GABRG3: variants seen among roughly 807,000 people sequenced by gnomAD.
GABRG3 encodes gamma-aminobutyric acid receptor subunit gamma-3.
In GABRG3, 25 loss-of-function variants were observed where a neutral mutation model predicts 48.8. That is an observed-to-expected ratio of 0.51 (90% CI 0.37 to 0.72). GABRG3 has a LOEUF of 0.72. Among genes scored for constraint, GABRG3 ranks in the 30% least tolerant of loss-of-function variants. The probability of loss-of-function intolerance (pLI) is 0.00; values close to 1 mark genes in which losing one functional copy is unlikely to be tolerated. For synonymous variants in GABRG3, 227 were observed against 217.6 expected (o/e 1.04, Z -0.38); for missense variants, 394 against 577.9 (o/e 0.68, Z 3.26).
chr15:27,371,680 C>G (rs1481811850), intron 5 of GABRG3, among the ~76,000 whole-genome samples: 1 of 152,146 alleles, frequency 6.6e-6, no homozygotes, highest in Non-Finnish European at 1.5e-5. Context: ...GCATCCAAGT[C>G]TGTATATGTG....
At position 27,145,173 on chromosome 15, in the gene GABRG3, G is replaced by GA. The variant is rs200970054; in HGVS notation, c.270+118358dup. ...AAATAAGGAATGAACCATATACAGG[G>GA]AAAAAACCGTCAATAGAAACTGTCC... On this transcript the variant is annotated intron_variant, in intron 3 of 9. Coordinates refer to ENST00000615808, the MANE Select transcript of GABRG3 (RefSeq NM_033223.5). Among the ~76,000 whole-genome samples, 480 of 151,824 alleles carry GA rather than the reference G, an allele frequency of 3.2e-3. 1 individual carries two copies. Among genetic ancestry groups the GA allele is most frequent in the African/African-American group, 0.011 (464 of 41,392 alleles).
intron 5 of GABRG3, among the ~76,000 whole-genome samples, chr15:27,436,239 A>G (rs1888605619): frequency 6.6e-6 from 1 of 152,148 alleles, no homozygotes; most frequent in Non-Finnish European, 1.5e-5. Context: ...GTCTTCAGAG[A>G]AAGGAAACAA....
chr15:27,307,371 G>T (rs199762910), intron 3 of GABRG3, among the ~76,000 whole-genome samples: 1 of 82,986 alleles, frequency 1.2e-5, no homozygotes, highest in African/African-American at 4.5e-5. Context: ...AACCATATAG[G>T]TTTATATATT....
chr15:27,352,874 T>C lies in GABRG3; in HGVS notation c.574+23986T>C, dbSNP rs565487235. Among the ~76,000 whole-genome samples, 1 of 152,226 alleles carries C rather than the reference T, an allele frequency of 6.6e-6. No homozygotes were observed. Among genetic ancestry groups the C allele is most frequent in the East Asian group, 1.9e-4 (1 of 5,170 alleles). On this transcript the variant is annotated intron_variant, in intron 5 of 9. Transcript: ENST00000615808. This position sits in a 1 kb window ranked among gnomAD's most constrained non-coding sequence, Gnocchi z 4.0. ...CGTAAAATAAGACTCCAGCACATGC[T>C]CACTTGGTAAGTCATTGCATCTGCA...
chr15:27,308,667 G>A (rs901550987), intron 3 of GABRG3, among the ~76,000 whole-genome samples: 2 of 148,784 alleles, frequency 1.3e-5, no homozygotes, highest in African/African-American at 4.9e-5. Context: ...AACATATAAT[G>A]TAAACATACG....
intron 3 of GABRG3, among the ~76,000 whole-genome samples, chr15:27,187,999 C>G (rs1043869705): frequency 2.7e-5 from 4 of 150,728 alleles, no homozygotes; most frequent in African/African-American, 7.3e-5. Flanking sequence ...GTTCTTGCGA[C>G]AGTTTACTGA....
At chr15:27,365,110 G>A (rs1895147866) in intron 5 of GABRG3, 1 of 152,066 alleles carries the variant, frequency 6.6e-6, no homozygotes, top group Non-Finnish European at 1.5e-5. Flanking sequence ...ACAGCAAGTG[G>A]CAGACATGGT....
chr15:27,035,676 G>A (rs532954745), intron 3 of GABRG3, among the ~76,000 whole-genome samples: 41 of 152,322 alleles, frequency 2.7e-4, no homozygotes, highest in African/African-American at 9.4e-4. Flanking sequence ...CTAGAGACAG[G>A]GAGCCACGTG....
chr15:27,024,890 G>A (rs953002697), intron 2 of GABRG3, among the ~76,000 whole-genome samples: 2 of 152,026 alleles, frequency 1.3e-5, no homozygotes, highest in African/African-American at 4.8e-5. Context: ...GCTGGGCGTG[G>A]TGGCAGGCGC....
rs1227418378 is a variant in GABRG3, at chr15:27,306,329, T to A, written c.271-20480T>A. On this transcript the variant is annotated intron_variant, in intron 3 of 9. Coordinates refer to ENST00000615808, the MANE Select transcript of GABRG3 (RefSeq NM_033223.5). Reference sequence around the variant, plus strand: ...TATATAATATAAACATGTCTATATATAAACATAAAATATAAACATGTCTAC... The same window carrying A: ...TATATAATATAAACATGTCTATATAAAAACATAAAATATAAACATGTCTAC... 2.4e-5 allele frequency among the ~76,000 whole-genome samples: 3 copies of A among 127,466 alleles called. No homozygotes were observed. In the South Asian group the frequency reaches 6.9e-4, roughly 29 times the overall value. 83.6% of individuals were successfully genotyped at this position (127,466 alleles called of 152,430 possible).
intron 3 of GABRG3, among the ~76,000 whole-genome samples, chr15:27,229,510 T>G (rs1045079975): frequency 6.6e-6 from 1 of 151,982 alleles, no homozygotes; most frequent in Non-Finnish European, 1.5e-5. Context: ...GGGGTCTCAC[T>G]CTGTCACTCA....
Position 27,535,295 on chromosome 15 carries a change from A to T in GABRG3, c.*2414A>T, listed in dbSNP as rs193132513. On this transcript the variant is annotated 3_prime_UTR_variant, in exon 10 of 10. Transcript: ENST00000615808. The stretch of plus-strand genomic sequence containing the variant: ...CTTATTGGGAGGAAAATAACCTAAA[A>T]CAACTTTTTATAACATGGATTTGTT... 19 of 152,348 alleles carry T rather than the reference A, an allele frequency of 1.2e-4. No homozygotes were observed. The highest frequency in any genetic ancestry group is 8.5e-4 in the Admixed American group (13 of 15,304). 9.4% of individuals were successfully genotyped at this position (152,348 alleles called of 1,614,324 possible). A position where few individuals can be genotyped will look rare whatever the true frequency, so the allele number is the denominator to read the frequency against.
chr15:27,152,474 G>C (rs1898335227), intron 3 of GABRG3, among the ~76,000 whole-genome samples: 1 of 152,008 alleles, frequency 6.6e-6, no homozygotes, highest in Non-Finnish European at 1.5e-5. Context: ...CTGTTCTTTT[G>C]CATCTCCATA....
intron 2 of GABRG3, among the ~76,000 whole-genome samples, chr15:27,012,665 T>C (rs187218983): frequency 6.6e-6 from 1 of 152,302 alleles, no homozygotes; most frequent in Admixed American, 6.5e-5. Flanking sequence ...TCCCACACCA[T>C]AGTCAATCTT....
At chr15:27,322,781 C>G (rs1893476982) in intron 3 of GABRG3, among the ~76,000 whole-genome samples, 1 of 152,118 alleles carries the variant, frequency 6.6e-6, no homozygotes. Flanking sequence ...GCTGCTGATG[C>G]CCCTCTCAGT....
chr15:27,307,207 A>T (rs1358533500), intron 3 of GABRG3, among the ~76,000 whole-genome samples: 1 of 137,382 alleles, frequency 7.3e-6, no homozygotes, highest in Non-Finnish European at 1.6e-5. Context: ...TAATACAAAC[A>T]TGTTTATATA....
intron 6 of GABRG3, among the ~76,000 whole-genome samples, chr15:27,500,022 C>T (rs1443268123): frequency 6.6e-6 from 1 of 152,184 alleles, no homozygotes; most frequent in Admixed American, 6.5e-5. Context: ...GTGTCTGGAA[C>T]ACACAGAGCA....
chr15:27,295,778 A>G (rs1195753298), intron 3 of GABRG3, among the ~76,000 whole-genome samples: 1 of 152,184 alleles, frequency 6.6e-6, no homozygotes, highest in Non-Finnish European at 1.5e-5. Context: ...ACAGCCAAGG[A>G]GTAAAAGTGG....
chr15:27,185,941 T>A (rs1357191624), intron 3 of GABRG3, among the ~76,000 whole-genome samples: 3 of 152,088 alleles, frequency 2.0e-5, no homozygotes, highest in Non-Finnish European at 4.4e-5. Context: ...TTGAATTTGA[T>A]GTGAATTTCT....
Sources: allele counts gnomAD v4.1 joint callset (sites outside exome capture counted in the v4.1 genomes callset), GRCh38; gene constraint gnomAD v4.1.1; non-coding constraint Gnocchi (gnomAD v3.1); transcripts MANE v1.5; gene names NCBI Gene and HGNC (gene_info 2026-07-23, HGNC 2026-07-21).